CDK13: variants seen among roughly 807,000 people sequenced by gnomAD.
CDK13 encodes cyclin dependent kinase 13.
Under a neutral mutation model 137.6 loss-of-function variants are expected in CDK13, and 40 were observed. The ratio of observed to expected loss-of-function variants is 0.29; its 90% CI spans 0.23 to 0.38. The LOEUF (loss-of-function observed/expected upper bound fraction) is 0.38. Among genes scored for constraint, CDK13 ranks in the 10% least tolerant of loss-of-function variants. The probability of loss-of-function intolerance (pLI) is 1.00; values close to 1 mark genes in which losing one functional copy is unlikely to be tolerated. For synonymous variants in CDK13, 869 were observed against 760.1 expected (o/e 1.14, Z -2.36); for missense variants, 1,704 against 1,951.8 (o/e 0.87, Z 2.39).
At position 39,951,868 on chromosome 7, in the gene CDK13, C is replaced by T. The variant is rs373631342; in HGVS notation, c.1211+16C>T. On this transcript the variant is annotated intron_variant, in intron 1 of 13. Transcript: ENST00000181839. ...CTGTGCTCAGGTGAGTTCTGCCGTT[C>T]TGCCTGTGTGTGCCTTGGCTGCGCT... 1.0e-5 allele frequency: 14 copies of T among 1,350,900 alleles called. No individual in the cohort carries two copies. Among genetic ancestry groups the T allele is most frequent in the Middle Eastern group, 2.0e-4 (1 of 5,088 alleles). The allele number at this position is 1,350,900 out of a possible 1,614,324, so 83.7% of individuals were successfully genotyped here.
rs551715097 is a variant in CDK13, at chr7:40,006,802, A to AT, written c.2353+4776dup. Among the ~76,000 whole-genome samples the AT allele has an allele frequency of 4.7e-4, 72 of 152,290 alleles. No individual in the cohort carries two copies. The East Asian group carries it at 0.011, about 24-fold the overall frequency. On this transcript the variant is annotated intron_variant, in intron 5 of 13. Transcript: ENST00000181839. ...GTCTCAAATTATCTTGCTAGAGAAG[A>AT]TTTTTATGCTGTATGAAGTAAAAAC...
rs953635436 is a variant in CDK13 at position 39,954,029 on chromosome 7, A to G, written c.1211+2177A>G. ...AATATTTAAGGTCGTTGAATTATTC[A>G]ATATCCCAAATTGTTAGAATTCTTC... On this transcript the variant is annotated intron_variant, in intron 1 of 13. Transcript: ENST00000181839. Among the ~76,000 whole-genome samples, 111 of 152,252 alleles carry G rather than the reference A, an allele frequency of 7.3e-4. 1 individual carries two copies. The highest frequency in any genetic ancestry group is 1.8e-4 in the Non-Finnish European group (12 of 68,044).
chr7:40,029,063 A>T lies in CDK13; in HGVS notation c.2354-16773A>T, dbSNP rs555263493. ...ATTTTTAAAATAAATATATTGGAAA[A>T]TTTTTTTTTTTGGAGATTTGCAACA... On this transcript the variant is annotated intron_variant, in intron 5 of 13. Coordinates refer to ENST00000181839, the MANE Select transcript of CDK13 (RefSeq NM_003718.5). Among the ~76,000 whole-genome samples the T allele has an allele frequency of 1.7e-3, 259 of 148,452 alleles. 1 individual carries two copies. The highest frequency in any genetic ancestry group is 5.8e-3 in the African/African-American group (235 of 40,706).
intron 6 of CDK13, 29 bp from the exon 7 acceptor site, chr7:40,047,791 CT>C: frequency 1.3e-6 from 2 of 1,526,166 alleles, no homozygotes; most frequent in African/African-American, 1.4e-5. Flanking sequence ...AAATTAATAC[CT>C]TTTGTTCATT....
At chr7:39,960,372 C>T (rs1265307531) in intron 1 of CDK13, among the ~76,000 whole-genome samples, 2 of 152,008 alleles carry the variant, frequency 1.3e-5, no homozygotes, top group East Asian at 1.9e-4. Flanking sequence ...TCTCCTGCCT[C>T]AGCCTCGCGA....
intron 5 of CDK13, among the ~76,000 whole-genome samples, chr7:40,016,691 A>G (rs1785011308): frequency 6.6e-6 from 1 of 152,178 alleles, no homozygotes; most frequent in South Asian, 2.1e-4. Context: ...AAGATTTACT[A>G]TAAAAGTACA....
In CDK13 at chr7:40,007,298, A is replaced by T. The variant is rs116348912; in HGVS notation, c.2353+5267A>T. ...CAACATGTCACTGTTTGGTCCGGGG[A>T]AGAAGTCCTCACATGTCACTCCCTG... On this transcript the variant is annotated intron_variant, in intron 5 of 13. Transcript: ENST00000181839. 1.4e-3 allele frequency among the ~76,000 whole-genome samples: 207 copies of T among 152,336 alleles called. 1 individual carries two copies. The highest frequency in any genetic ancestry group is 4.7e-3 in the African/African-American group (197 of 41,580).
At chr7:40,037,042 T>C (rs369394380) in intron 5 of CDK13, among the ~76,000 whole-genome samples, 2 of 152,220 alleles carry the variant, frequency 1.3e-5, no homozygotes, top group Admixed American at 1.3e-4. Flanking sequence ...TTCCATTTAT[T>C]TATTGGAGAG....
intron 5 of CDK13, among the ~76,000 whole-genome samples, chr7:40,015,350 C>T (rs1201028354): frequency 6.6e-6 from 1 of 152,078 alleles, no homozygotes; most frequent in African/African-American, 2.4e-5. Flanking sequence ...CTGAACAGTG[C>T]AGTAGAGCAC....
intron 7 of CDK13, among the ~76,000 whole-genome samples, chr7:40,050,698 G>A (rs574734688): frequency 1.3e-5 from 2 of 152,242 alleles, no homozygotes; most frequent in African/African-American, 4.8e-5. Context: ...CAGCTGAGAA[G>A]CATATATATG....
At chr7:39,964,299 CTGTT>C (rs1259994469) in intron 1 of CDK13, among the ~76,000 whole-genome samples, 5 of 152,102 alleles carry the variant, frequency 3.3e-5, no homozygotes, top group Non-Finnish European at 7.3e-5. Flanking sequence ...ATTTCAGAGC[CTGTT>C]ATTGGTCTAT....
At position 40,097,754 on chromosome 7, in the gene CDK13, G is replaced by A. The variant is rs1044290744; in HGVS notation, c.*2774G>A. 4.6e-5 allele frequency: 7 copies of A among 152,164 alleles called. No homozygotes were observed. The highest frequency in any genetic ancestry group is 3.4e-3 in the Middle Eastern group (1 of 294). 9.4% of individuals were successfully genotyped at this position (152,164 alleles called of 1,614,324 possible). ...GCATGCAACTCAGTATGTTTCCTAC[G>A]TCTTCATTATTTGTTGGAGAGTTGC... is the stretch of plus-strand genomic sequence containing the variant. On this transcript the variant is annotated 3_prime_UTR_variant, in exon 14 of 14. Coordinates refer to ENST00000181839, the MANE Select transcript of CDK13 (RefSeq NM_003718.5).
At position 40,094,680 on chromosome 7, in the gene CDK13, T is replaced by C; in HGVS notation, c.4239T>C (p.Asn1413=). ...CTGGATATGGAGACATTTACCTCAA[T>C]GCTGGTCCCATGTTGTTTAGTGGAG... ...SVAGYGDIYL[N]AGPMLFSGDK... is the part of the protein sequence containing the mutation. Residue 1413 remains asparagine, a synonymous_variant, in exon 14 of 14, where the codon AAT becomes AAC. Coordinates refer to ENST00000181839, the MANE Select transcript of CDK13 (RefSeq NM_003718.5). The C allele has an allele frequency of 1.2e-6, 2 of 1,614,244 alleles. No homozygotes were observed. Among genetic ancestry groups the C allele is most frequent in the Non-Finnish European group, 1.7e-6 (2 of 1,180,032 alleles).
chr7:39,953,968 G>T (rs1419194748), intron 1 of CDK13, among the ~76,000 whole-genome samples: 28 of 152,170 alleles, frequency 1.8e-4, no homozygotes, highest in Admixed American at 1.5e-3. Flanking sequence ...AGGATTAAGT[G>T]AAAATTTATC....
rs75135088 is a variant in CDK13 at position 39,994,612 on chromosome 7, C to T, written c.1872-2882C>T. On this transcript the variant is annotated intron_variant, in intron 2 of 13. Coordinates refer to ENST00000181839, the MANE Select transcript of CDK13 (RefSeq NM_003718.5). ...GTTGAGCCTCAACATCAATGTTGCT[C>T]TACAAGAATTTAAGCTTGTCTTAGA... Among the ~76,000 whole-genome samples, 5 of 152,192 alleles carry T rather than the reference C, an allele frequency of 3.3e-5. No homozygotes were observed. The East Asian group carries it at 9.6e-4, about 29-fold the overall frequency.
intron 11 of CDK13, among the ~76,000 whole-genome samples, chr7:40,081,902 G>T (rs542381718): frequency 2.6e-5 from 4 of 152,090 alleles, no homozygotes; most frequent in Non-Finnish European, 4.4e-5. Context: ...GTGAGCCACC[G>T]TGCCCAGCCC....
chr7:40,093,992 T>C lies in CDK13; in HGVS notation c.3689-138T>C. On this transcript the variant is annotated intron_variant, in intron 13 of 13. Coordinates refer to ENST00000181839, the MANE Select transcript of CDK13 (RefSeq NM_003718.5). ...AGTTACCATAGTACTTGTAAACTTT[T>C]TGCTTTTTTCATTTAACATTTTGCC... 5 of 946,430 alleles carry C rather than the reference T, an allele frequency of 5.3e-6. No individual in the cohort carries two copies. In the South Asian group the frequency reaches 5.3e-5, roughly 10 times the overall value. The allele number at this position is 946,430 out of a possible 1,614,324, so 58.6% of individuals were successfully genotyped here.
chr7:40,024,662 T>G (rs1454987799), intron 5 of CDK13, among the ~76,000 whole-genome samples: 3 of 133,012 alleles, frequency 2.3e-5, no homozygotes, highest in East Asian at 2.1e-4. Context: ...TTTTTTTTTT[T>G]TTTTTTTTTT....
At chr7:39,966,394 A>G (rs1236675337) in intron 1 of CDK13, among the ~76,000 whole-genome samples, 1 of 152,120 alleles carries the variant, frequency 6.6e-6, no homozygotes, top group Non-Finnish European at 1.5e-5. Flanking sequence ...CTTCCAGTTG[A>G]TCGAATCAGC....
Sources: allele counts gnomAD v4.1 joint callset (sites outside exome capture counted in the v4.1 genomes callset), GRCh38; gene constraint gnomAD v4.1.1; transcripts MANE v1.5; gene names NCBI Gene and HGNC (gene_info 2026-07-23, HGNC 2026-07-21).